Variants in PRSS3 observed in about 807,000 individuals in gnomAD.
The protein encoded by PRSS3 is serine protease 3, also known as trypsin-3.
A neutral mutation model predicts 20.8 loss-of-function variants in PRSS3; 14 were observed. The observed-to-expected ratio is 0.67, with a 90% CI of 0.44 to 1.05. PRSS3 has a LOEUF of 1.05. Among genes scored for constraint, PRSS3 ranks in the 50% least tolerant of loss-of-function variants. The probability of loss-of-function intolerance (pLI) is 0.00; values close to 1 mark genes in which losing one functional copy is unlikely to be tolerated. For synonymous variants in PRSS3, 91 were observed against 117.6 expected, an observed-to-expected ratio of 0.77 and a Z score of 1.46; for missense variants, 237 against 306.4, an observed-to-expected ratio of 0.77 and a Z score of 1.69.
intron 1 of PRSS3, among the ~76,000 whole-genome samples, chr9:33,753,931 C>T (rs1304481350): frequency 2.6e-5 from 4 of 152,130 alleles, no homozygotes; most frequent in Non-Finnish European, 4.4e-5. Flanking sequence ...TGTGTCTTCC[C>T]GCACCACCCT....
intron 1 of PRSS3, among the ~76,000 whole-genome samples, chr9:33,773,540 T>A (rs1202681761): frequency 6.6e-6 from 1 of 152,066 alleles, no homozygotes. Flanking sequence ...CATTCAATCC[T>A]CCCCTCACAC....
Position 33,779,201 on chromosome 9 carries a change from T to C in PRSS3, c.-52-15545T>C, listed in dbSNP as rs1824070897. ...ACCACAGCATCCCCTTACATCCAAA[T>C]GGATCACTAGCTCCCTAGAAATGGT... On this transcript the variant is annotated intron_variant, in intron 1 of 5. Transcript: ENST00000342836. 2.0e-5 allele frequency among the ~76,000 whole-genome samples: 3 copies of C among 152,280 alleles called. No homozygotes were observed. The South Asian group carries it at 6.2e-4, about 32-fold the overall frequency.
At chr9:33,792,643 A>G (rs920617114), upstream of PRSS3, among the ~76,000 whole-genome samples, 10 of 152,244 alleles carry the variant, frequency 6.6e-5, no homozygotes, top group Admixed American at 6.5e-4. Context: ...TCCCATCTTT[A>G]AAACCTACTG....
chr9:33,773,213 T>TGAGA (rs146480883), intron 1 of PRSS3, among the ~76,000 whole-genome samples: 2 of 149,174 alleles, frequency 1.3e-5, no homozygotes, highest in South Asian at 2.1e-4. Context: ...TTATCTCAAA[T>TGAGA]GAGAGAGAGA....
chr9:33,790,785 G>T, upstream of PRSS3, among the ~76,000 whole-genome samples: 1 of 152,066 alleles, frequency 6.6e-6, no homozygotes, highest in Non-Finnish European at 1.5e-5. Context: ...CTTCCAAATA[G>T]CCTAGAAGAA....
intron 4 of PRSS3, 133 bp downstream of exon 4, chr9:33,798,755 G>A: frequency 4.2e-6 from 6 of 1,445,758 alleles, no homozygotes; most frequent in Non-Finnish European, 5.7e-6. Flanking sequence ...GAGGAAGGTG[G>A]CGGGGCTGAG....
At chr9:33,760,745 C>CAAA (rs61678518) in intron 1 of PRSS3, among the ~76,000 whole-genome samples, 30,084 of 100,976 alleles carry the variant, frequency 0.3, 4,199 homozygotes, top group East Asian at 0.51. Flanking sequence ...GACTCTGTCA[C>CAAA]AAAAAAAAAA....
chr9:33,796,495 T>C (rs1824946834), intron 1 of PRSS3, 148 bp from the exon 2 acceptor site: 2 of 1,275,454 alleles, frequency 1.6e-6, no homozygotes, highest in Non-Finnish European at 2.2e-6. Flanking sequence ...CATCCAGTGA[T>C]GCTCACCAGG....
At chr9:33,764,050 G>A (rs936421618) in intron 1 of PRSS3, among the ~76,000 whole-genome samples, 2 of 152,150 alleles carry the variant, frequency 1.3e-5, no homozygotes, top group African/African-American at 4.8e-5. Context: ...AGTTTGAGCT[G>A]GCTATAGGCA....
chr9:33,789,572 T>C (rs1824546394), intron 1 of PRSS3, among the ~76,000 whole-genome samples: 1 of 152,216 alleles, frequency 6.6e-6, no homozygotes. Context: ...CTATCTAGTT[T>C]CTGGTCCATG....
chr9:33,771,885 T>TC, intron 1 of PRSS3, among the ~76,000 whole-genome samples: 1 of 150,300 alleles, frequency 6.7e-6, no homozygotes, highest in Non-Finnish European at 1.5e-5. Flanking sequence ...TTTTTTTTTT[T>TC]TTTTGAAACT....
intron 1 of PRSS3, chr9:33,786,283 G>A (rs1380370944): frequency 8.8e-6 from 5 of 566,642 alleles, no homozygotes; most frequent in Non-Finnish European, 1.3e-5. Context: ...GGAGTCTGGG[G>A]TTAATGTTAA....
intron 1 of PRSS3, among the ~76,000 whole-genome samples, chr9:33,761,494 G>T (rs1823203134): frequency 6.6e-6 from 1 of 152,056 alleles, no homozygotes; most frequent in Non-Finnish European, 1.5e-5. Context: ...ATCATGTGAG[G>T]TTGGGAGTTC....
chr9:33,768,872 T>G (rs754990704), intron 1 of PRSS3, among the ~76,000 whole-genome samples: 1 of 151,650 alleles, frequency 6.6e-6, no homozygotes, highest in African/African-American at 2.4e-5. Context: ...AAAATAAAAA[T>G]AAAAAAGGAA....
chr9:33,791,328 T>A (rs2119063623), upstream of PRSS3, among the ~76,000 whole-genome samples: 1 of 152,258 alleles, frequency 6.6e-6, no homozygotes, highest in African/African-American at 2.4e-5. Flanking sequence ...GATGGAGCAC[T>A]CAGTTCTGAG....
chr9:33,768,838 A>G (rs1251587320), intron 1 of PRSS3, among the ~76,000 whole-genome samples: 1 of 152,220 alleles, frequency 6.6e-6, no homozygotes, highest in African/African-American at 2.4e-5. Context: ...CCTGGGTGAC[A>G]GAGAGAAACT....
intron 1 of PRSS3, among the ~76,000 whole-genome samples, chr9:33,785,710 C>A (rs207470206): frequency 6.6e-6 from 1 of 152,068 alleles, no homozygotes; most frequent in Non-Finnish European, 1.5e-5. Context: ...TTGAGCCTAA[C>A]GTGCAAGAAG....
intron 1 of PRSS3, among the ~76,000 whole-genome samples, chr9:33,771,450 T>C (rs1823686847): frequency 6.6e-6 from 1 of 151,122 alleles, no homozygotes; most frequent in Non-Finnish European, 1.5e-5. Flanking sequence ...CTCAGCCTCC[T>C]GAGTAGCTGG....
chr9:33,779,684 T>C (rs1265400349), intron 1 of PRSS3, among the ~76,000 whole-genome samples: 3 of 151,768 alleles, frequency 2.0e-5, no homozygotes, highest in African/African-American at 2.4e-5. Context: ...CTGGCTAACA[T>C]GGTGAAACCC....
Sources: allele counts gnomAD v4.1 joint callset (sites outside exome capture counted in the v4.1 genomes callset), GRCh38; gene constraint gnomAD v4.1.1; transcripts MANE v1.5; gene names NCBI Gene and HGNC (gene_info 2026-07-23, HGNC 2026-07-21).